Variants in CHD1 observed in about 807,000 individuals in gnomAD.
The protein encoded by CHD1 is ATP-dependent chromatin remodeler CHD1.
CHD1 carries 36 observed loss-of-function variants against 224.2 expected under a neutral mutation model. The ratio of observed to expected loss-of-function variants is 0.16; its 90% CI spans 0.12 to 0.21. The LOEUF is 0.21. Ranked by LOEUF, CHD1 falls within the 10% of genes least tolerant of loss-of-function variation. CHD1 has a pLI of 1.00. For missense variants in CHD1, 1,378 were observed against 1,994.8 expected, an observed-to-expected ratio of 0.69 and a Z score of 5.89; for synonymous variants, 668 against 658.3, an observed-to-expected ratio of 1.01 and a Z score of -0.23.
At chr5:98,874,883 G>A (rs967693861) in intron 25 of CHD1, among the ~76,000 whole-genome samples, 189 bp downstream of exon 25, 2 of 152,108 alleles carry the variant, frequency 1.3e-5, no homozygotes, top group Non-Finnish European at 2.9e-5. Flanking sequence ...AGAAATTTGA[G>A]ACTGGAAATT....
chr5:98,903,008 A>C (rs1751821158), intron 4 of CHD1, 44 bp from the exon 5 acceptor site: 1 of 1,184,362 alleles, frequency 8.4e-7, no homozygotes, highest in Non-Finnish European at 1.2e-6. Context: ...TAATGATTAG[A>C]ATTTAACCAT....
At chr5:98,868,353 A>G (rs1362360598) in intron 31 of CHD1, 142 bp downstream of exon 31, 21 of 563,750 alleles carry the variant, frequency 3.7e-5, no homozygotes, top group Non-Finnish European at 5.5e-5. Context: ...AAAAAAAAAG[A>G]CACCCTTCAA....
At chr5:98,901,105 A>C in intron 6 of CHD1, 23 bp from the exon 7 acceptor site, 2 of 1,566,706 alleles carry the variant, frequency 1.3e-6, no homozygotes, top group Non-Finnish European at 1.7e-6. Context: ...AAAGAGAAAA[A>C]AAAACAAGAT....
rs1281434427 is a variant in CHD1 at position 98,928,924 on chromosome 5, G to GCCGCCA, written c.-540_-535dup. On this transcript the variant is annotated 5_prime_UTR_variant, in exon 1 of 36. Coordinates refer to ENST00000614616, the MANE Select transcript of CHD1 (RefSeq NM_001270.4). ...CGCAACCGTCTCCGTCGTAGCCGCC[G>GCCGCCA]CCGCCACCGAGGTCGCCGTCGCCTC... is the stretch of plus-strand genomic sequence containing the variant. 6.5e-6 allele frequency: 1 copy of GCCGCCA among 154,040 alleles called. No homozygotes were observed. Among genetic ancestry groups the GCCGCCA allele is most frequent in the Non-Finnish European group, 1.5e-5 (1 of 68,938 alleles). The allele number at this position is 154,040 out of a possible 1,614,324, so 9.5% of individuals were successfully genotyped here. A position where few individuals can be genotyped will look rare whatever the true frequency, so the allele number is the denominator to read the frequency against.
At chr5:98,892,100 G>A (rs1461457785) in intron 15 of CHD1, among the ~76,000 whole-genome samples, 1 of 152,102 alleles carries the variant, frequency 6.6e-6, no homozygotes, top group African/African-American at 2.4e-5. Flanking sequence ...CTACTGTATA[G>A]ATCTTGACAT....
intron 10 of CHD1, among the ~76,000 whole-genome samples, chr5:98,897,713 A>T (rs1465905273): frequency 1.3e-5 from 2 of 152,180 alleles, no homozygotes; most frequent in Non-Finnish European, 2.9e-5. Context: ...GAAGAATGTA[A>T]TTCTTGTAAT....
At chr5:98,890,438 T>G (rs1042810171) in intron 15 of CHD1, among the ~76,000 whole-genome samples, 8 of 152,126 alleles carry the variant, frequency 5.3e-5, no homozygotes, top group African/African-American at 1.9e-4. Flanking sequence ...CAGAAAAAAT[T>G]TATTATTAAT....
rs553557504 is a variant in CHD1, at chr5:98,881,193, T to G, written c.2965-22A>C. The stretch of plus-strand genomic sequence containing the variant: ...TTTCCTATAATTAAAAAGACAATAT[T>G]TAAATATACTTGAATCCTTTCATCC... On this transcript the variant is annotated intron_variant, in intron 21 of 35. Transcript: ENST00000614616. 3.2e-5 allele frequency: 49 copies of G among 1,511,130 alleles called. No individual in the cohort carries two copies. The East Asian group carries it at 1.1e-3, about 34-fold the overall frequency. 93.6% of individuals were successfully genotyped at this position (1,511,130 alleles called of 1,614,324 possible). A position where few individuals can be genotyped will look rare whatever the true frequency, so the allele number is the denominator to read the frequency against.
At chr5:98,927,322 G>A (rs1465501721) in intron 1 of CHD1, among the ~76,000 whole-genome samples, 2 of 151,428 alleles carry the variant, frequency 1.3e-5, no homozygotes, top group African/African-American at 4.8e-5. Flanking sequence ...ATAAACAAAG[G>A]AGATCTCTGG....
chr5:98,870,876 A>AAC, intron 28 of CHD1, 73 bp from the exon 29 acceptor site: 1 of 847,020 alleles, frequency 1.2e-6, no homozygotes, highest in Non-Finnish European at 1.9e-6. Flanking sequence ...AAAAATGCTT[A>AAC]ACCATTTAAA....
At position 98,876,549 on chromosome 5, in the gene CHD1, T is replaced by C. The variant is rs1275876630; in HGVS notation, c.3247A>G (p.Asn1083Asp). Residue 1083 changes from asparagine (N) to aspartate (D), a missense_variant, in exon 24 of 36, where the codon AAT (asparagine) becomes GAT (aspartate). Asn to Asp is a conservative substitution (Grantham distance 23, BLOSUM62 1). This residue lies in a region of CHD1 where 286 missense variants were observed against 445.1 expected (regional missense o/e 0.64). Coordinates refer to ENST00000614616, the MANE Select transcript of CHD1 (RefSeq NM_001270.4). ...CTACTGCGCCTCCCTTCACTTCCAT[T>C]GAAACTAATCTGGAATTGGAAAATA... Reference protein sequence around the residue: ...MRNCAKQISFNGSEGRRSRSR... With the variant: ...MRNCAKQISFDGSEGRRSRSR... 3.7e-6 allele frequency: 6 copies of C among 1,613,176 alleles called. No individual in the cohort carries two copies. Among genetic ancestry groups the C allele is most frequent in the Non-Finnish European group, 5.1e-6 (6 of 1,179,490 alleles).
chr5:98,864,328 G>A (rs1012323740), intron 31 of CHD1, among the ~76,000 whole-genome samples: 2 of 151,804 alleles, frequency 1.3e-5, no homozygotes, highest in Admixed American at 6.6e-5. Context: ...TTAGTTCTAG[G>A]AATATAAGGA....
At chr5:98,899,362 T>G in intron 8 of CHD1, 118 bp downstream of exon 8, 1 of 687,458 alleles carries the variant, frequency 1.5e-6, no homozygotes, top group Non-Finnish European at 2.4e-6. Flanking sequence ...CCAACTGTAT[T>G]ATAAAGTCTA....
At chr5:98,888,557 C>T (rs1750802849) in intron 16 of CHD1, among the ~76,000 whole-genome samples, 1 of 152,170 alleles carries the variant, frequency 6.6e-6, no homozygotes, top group South Asian at 2.1e-4. Flanking sequence ...ACATCAGAAG[C>T]AGCAGCAACT....
intron 31 of CHD1, among the ~76,000 whole-genome samples, chr5:98,867,479 T>G (rs570289696): frequency 6.6e-6 from 1 of 152,324 alleles, no homozygotes; most frequent in East Asian, 1.9e-4. Flanking sequence ...TCTTCTTGTA[T>G]TTTTTAAAAA....
intron 10 of CHD1, among the ~76,000 whole-genome samples, 181 bp downstream of exon 10, chr5:98,898,075 A>T (rs999973440): frequency 6.6e-6 from 1 of 152,164 alleles, no homozygotes. Flanking sequence ...AAAAAATTAT[A>T]AAACTAAAAC....
At chr5:98,865,371 G>A (rs1748782776) in intron 31 of CHD1, among the ~76,000 whole-genome samples, 1 of 152,162 alleles carries the variant, frequency 6.6e-6, no homozygotes, top group Admixed American at 6.5e-5. Context: ...GAGTGTTGTA[G>A]GCACAGAAAT....
chr5:98,909,241 G>A (rs1183313398), intron 2 of CHD1, among the ~76,000 whole-genome samples: 2 of 152,070 alleles, frequency 1.3e-5, no homozygotes, highest in Admixed American at 6.5e-5. Context: ...CTGCTTTCCA[G>A]ATTTTGCTAA....
intron 2 of CHD1, among the ~76,000 whole-genome samples, chr5:98,922,742 G>A (rs1753185252): frequency 1.3e-5 from 2 of 152,132 alleles, no homozygotes; most frequent in South Asian, 2.1e-4. Flanking sequence ...AATCCCCAGT[G>A]CTTTGGGAGG....
Sources: allele counts gnomAD v4.1 joint callset (sites outside exome capture counted in the v4.1 genomes callset), GRCh38; gene constraint gnomAD v4.1.1; regional missense constraint gnomAD v4.1.1; transcripts MANE v1.5; gene names NCBI Gene and HGNC (gene_info 2026-07-23, HGNC 2026-07-21).